Variants in SV2C observed in about 807,000 individuals in gnomAD.
SV2C encodes solute carrier family 22 member B3.
Under a neutral mutation model 79.7 loss-of-function variants are expected in SV2C, and 49 were observed. The observed-to-expected ratio is 0.61, with a 90% CI of 0.49 to 0.78. SV2C has a LOEUF of 0.78. Ranked by LOEUF, SV2C falls within the 30% of genes least tolerant of loss-of-function variation. SV2C has a pLI of 0.00. For missense variants in SV2C, 833 were observed against 912.9 expected, an observed-to-expected ratio of 0.91 and a Z score of 1.13; for synonymous variants, 334 against 333.2, an observed-to-expected ratio of 1.00 and a Z score of -0.03.
intron 1 of SV2C, among the ~76,000 whole-genome samples, chr5:76,102,516 C>T (rs1458189864): frequency 6.6e-6 from 1 of 152,222 alleles, no homozygotes; most frequent in African/African-American, 2.4e-5. Context: ...TGAAGGTTCA[C>T]TCTGGTGAAC....
At chr5:76,076,783 A>C in the SV2C span, among the ~76,000 whole-genome samples, 8 of 152,336 alleles carry the variant, frequency 5.3e-5, no homozygotes, top group African/African-American at 1.4e-4. Flanking sequence ...CATCAAGGCA[A>C]CATTTTCAGC....
the SV2C span, among the ~76,000 whole-genome samples, chr5:75,895,227 T>C: frequency 2.6e-5 from 4 of 152,062 alleles, no homozygotes; most frequent in East Asian, 3.9e-4. Flanking sequence ...ATTTAAAATG[T>C]CCAATTTCCA....
chr5:76,091,027 T>C (rs538940590), intron 1 of SV2C, among the ~76,000 whole-genome samples: 1 of 152,318 alleles, frequency 6.6e-6, no homozygotes, highest in African/African-American at 2.4e-5. Context: ...ATTTTCTTGA[T>C]TTCATTTTTG....
At chr5:76,045,499 T>C in the SV2C span, among the ~76,000 whole-genome samples, 1 of 152,232 alleles carries the variant, frequency 6.6e-6, no homozygotes, top group Non-Finnish European at 1.5e-5. Context: ...TAAATTACCT[T>C]GGGCAGTGTG....
chr5:76,196,372 A>G (rs2112330501), intron 3 of SV2C, among the ~76,000 whole-genome samples: 1 of 152,322 alleles, frequency 6.6e-6, no homozygotes, highest in African/African-American at 2.4e-5. Flanking sequence ...GTTCAGAATC[A>G]ATCATTTGCT....
the SV2C span, among the ~76,000 whole-genome samples, chr5:75,979,712 G>T: frequency 6.6e-6 from 1 of 151,936 alleles, no homozygotes; most frequent in South Asian, 2.1e-4. Context: ...AGAATCTCTG[G>T]GACACAGCTA....
At chr5:76,148,123 G>A (rs917719480) in intron 2 of SV2C, among the ~76,000 whole-genome samples, 23 of 152,208 alleles carry the variant, frequency 1.5e-4, no homozygotes, top group Admixed American at 1.5e-3. Context: ...CTTTGGGCCA[G>A]ATATGTGGGG....
rs146954193 is a variant in SV2C at position 76,189,941 on chromosome 5, A to G, written c.581-4978A>G. On this transcript the variant is annotated intron_variant, in intron 2 of 12. Transcript: ENST00000502798. ...CTTTCACACTCAGATTTCATTATTT[A>G]TGTGATTGGTGTTAAATTAAATGCA... 1.9e-4 allele frequency among the ~76,000 whole-genome samples: 29 copies of G among 152,172 alleles called. 1 individual carries two copies. The South Asian group carries it at 5.6e-3, about 29-fold the overall frequency.
chr5:76,025,912 T>C, the SV2C span, among the ~76,000 whole-genome samples: 2 of 152,166 alleles, frequency 1.3e-5, no homozygotes, highest in Non-Finnish European at 2.9e-5. Context: ...AGATGAGACA[T>C]GTTTTTCAGA....
intron 2 of SV2C, among the ~76,000 whole-genome samples, chr5:76,189,477 A>G (rs141261116): frequency 1.3e-5 from 2 of 152,356 alleles, no homozygotes; most frequent in East Asian, 3.9e-4. Flanking sequence ...GAGGCATGGT[A>G]GAAACCCCCT....
intron 4 of SV2C, among the ~76,000 whole-genome samples, chr5:76,225,699 A>G (rs914110557): frequency 2.6e-5 from 4 of 152,166 alleles, no homozygotes; most frequent in Admixed American, 2.0e-4. Context: ...GCACATCTTA[A>G]TGAGATAACC....
chr5:75,908,091 T>C, the SV2C span, among the ~76,000 whole-genome samples: 1 of 152,262 alleles, frequency 6.6e-6, no homozygotes, highest in Non-Finnish European at 1.5e-5. Context: ...AAGTACACAA[T>C]TCAATCGTTT....
intron 1 of SV2C, among the ~76,000 whole-genome samples, chr5:76,126,444 G>A (rs1748708793): frequency 6.6e-6 from 1 of 152,120 alleles, no homozygotes; most frequent in Admixed American, 6.5e-5. Context: ...TCAAAGATGT[G>A]CTCAGTGCGG....
chr5:76,306,228 T>A (rs925227123), intron 12 of SV2C, among the ~76,000 whole-genome samples: 1 of 152,142 alleles, frequency 6.6e-6, no homozygotes, highest in Admixed American at 6.5e-5. Context: ...ATTTTATTTT[T>A]TTTTATTTTA....
At chr5:76,165,952 A>C (rs10070475) in intron 2 of SV2C, among the ~76,000 whole-genome samples, 53,308 of 151,556 alleles carry the variant, frequency 0.35, 9,508 homozygotes, top group East Asian at 0.45. Flanking sequence ...ACTGCAGCAG[A>C]GGCATGCCCA....
chr5:75,891,447 A>G, the SV2C span, among the ~76,000 whole-genome samples: 1 of 152,262 alleles, frequency 6.6e-6, no homozygotes, highest in South Asian at 2.1e-4. Flanking sequence ...GGCTTAATAT[A>G]TCATCATTTT....
At chr5:76,286,968 T>A (rs373541204) in intron 6 of SV2C, among the ~76,000 whole-genome samples, 12 of 152,110 alleles carry the variant, frequency 7.9e-5, no homozygotes, top group African/African-American at 2.7e-4. Context: ...CAATTCGAGA[T>A]GAGATCTGGG....
At chr5:75,954,355 C>T in the SV2C span, among the ~76,000 whole-genome samples, 1 of 151,980 alleles carries the variant, frequency 6.6e-6, no homozygotes, top group Non-Finnish European at 1.5e-5. Flanking sequence ...AAGAGCCTAT[C>T]ATCTCTTGTC....
Position 76,330,307 on chromosome 5 carries a change from A to T in SV2C, c.*4760A>T, listed in dbSNP as rs992779401. 2.0e-5 allele frequency: 3 copies of T among 152,150 alleles called. No individual in the cohort carries two copies. Among genetic ancestry groups the T allele is most frequent in the Non-Finnish European group, 4.4e-5 (3 of 68,026 alleles). 9.4% of individuals were successfully genotyped at this position (152,150 alleles called of 1,614,324 possible). A position where few individuals can be genotyped will look rare whatever the true frequency, so the allele number is the denominator to read the frequency against. On this transcript the variant is annotated 3_prime_UTR_variant, in exon 13 of 13. Transcript: ENST00000502798. ...ATTTTGAGTTACAAGAATACAGTTT[A>T]TGGGTCTGTTTCAGCTCTTACTTAA...
Sources: gnomAD v4.1 joint callset for allele counts (sites outside exome capture counted in the v4.1 genomes callset) on GRCh38, gnomAD v4.1.1 for gene constraint, MANE v1.5 for transcripts, NCBI Gene and HGNC (gene_info 2026-07-23, HGNC 2026-07-21) for gene names.